The following ZFYVE28 variants were observed in gnomAD, a reference collection of about 807,000 sequenced individuals.
ZFYVE28 encodes the protein lateral signaling target protein 2 homolog.
In ZFYVE28, 40 loss-of-function variants were observed where a neutral mutation model predicts 82.1. That is an observed-to-expected ratio of 0.49 (90% confidence interval 0.38 to 0.63). The LOEUF is 0.63. Ranked by LOEUF, ZFYVE28 falls within the 30% of genes least tolerant of loss-of-function variation. ZFYVE28 has a pLI of 0.00. For synonymous variants in ZFYVE28, 612 were observed against 546.1 expected (o/e 1.12, Z -1.68); for missense variants, 1,321 against 1,242.1 (o/e 1.06, Z -0.96).
chr4:2,276,088 T>G (rs1418955412), intron 8 of ZFYVE28, among the ~76,000 whole-genome samples: 1 of 152,240 alleles, frequency 6.6e-6, no homozygotes, highest in Non-Finnish European at 1.5e-5. Flanking sequence ...ACGTAAACCC[T>G]GCAGAAGCAC....
intron 1 of ZFYVE28, chr4:2,364,633 A>G (rs1726619857): frequency 1.0e-6 from 1 of 985,456 alleles, no homozygotes; most frequent in African/African-American, 1.7e-5. Context: ...TCTGATTAGC[A>G]TCTGCAAAGT....
intron 2 of ZFYVE28, among the ~76,000 whole-genome samples, chr4:2,353,340 G>A (rs898973412): frequency 2.6e-4 from 40 of 152,188 alleles, no homozygotes; most frequent in Middle Eastern, 3.2e-3. Context: ...TCCCATGGCC[G>A]CAAGGATTCA....
chr4:2,320,130 T>TCCCCCA lies in ZFYVE28; in HGVS notation c.803+39_803+40insTGGGGG. ...TCAGCGCCCACCTGTGGCCCTCCTG[T>TCCCCCA]CCCCCTCCCCTCCCCCACCTCCTCT... On this transcript the variant is annotated intron_variant, in intron 7 of 12. Coordinates refer to ENST00000290974, the MANE Select transcript of ZFYVE28 (RefSeq NM_020972.3). This position sits in a 1 kb window ranked among gnomAD's most constrained non-coding sequence, Gnocchi z 5.1. 1 of 1,586,068 alleles carries TCCCCCA rather than the reference T, an allele frequency of 6.3e-7. No individual in the cohort carries two copies. The highest frequency in any genetic ancestry group is 8.6e-7 in the Non-Finnish European group (1 of 1,156,586).
intron 1 of ZFYVE28, among the ~76,000 whole-genome samples, chr4:2,405,276 A>G (rs1411238466): frequency 6.6e-6 from 1 of 152,152 alleles, no homozygotes; most frequent in African/African-American, 2.4e-5. Flanking sequence ...GTGCACCGCC[A>G]CCTGCTTTTC....
chr4:2,352,061 C>T (rs1004905490), intron 2 of ZFYVE28, among the ~76,000 whole-genome samples: 3 of 152,148 alleles, frequency 2.0e-5, no homozygotes, highest in Non-Finnish European at 4.4e-5. Context: ...CTTGCACAGC[C>T]CTCCATATAT....
intron 6 of ZFYVE28, among the ~76,000 whole-genome samples, chr4:2,333,464 C>G (rs1721055151): frequency 6.6e-6 from 1 of 151,840 alleles, no homozygotes; most frequent in Non-Finnish European, 1.5e-5. Context: ...TCTGCGGTCG[C>G]CTGTACTCGG....
rs920327784 is a variant in ZFYVE28, at chr4:2,362,171, T to C, written c.40-8098A>G. Among the ~76,000 whole-genome samples the C allele has an allele frequency of 8.6e-5, 13 of 152,014 alleles. No homozygotes were observed. The highest frequency in any genetic ancestry group is 3.1e-4 in the African/African-American group (13 of 41,370). The stretch of plus-strand genomic sequence containing the variant: ...TTTGCCTCCTAGATATCAGCAGATC[T>C]CCAGGAGACAGTGGTCACATGCAGA... On this transcript the variant is annotated intron_variant, in intron 1 of 12. Coordinates refer to ENST00000290974, the MANE Select transcript of ZFYVE28 (RefSeq NM_020972.3). This position sits in a 1 kb window ranked among gnomAD's most constrained non-coding sequence, Gnocchi z 5.1.
At position 2,408,092 on chromosome 4, in the gene ZFYVE28, T is replaced by C. The variant is rs552655744; in HGVS notation, c.39+10193A>G. Among the ~76,000 whole-genome samples, 2 of 152,306 alleles carry C rather than the reference T, an allele frequency of 1.3e-5. No individual in the cohort carries two copies. Among genetic ancestry groups the C allele is most frequent in the East Asian group, 3.9e-4 (2 of 5,168 alleles). ...GGTGACCCTGTGCTGAAGTGGCCTATGGGGCTTTCCTGGCCCCCTGGCCTC... is the reference window on the plus strand; with the variant it reads ...GGTGACCCTGTGCTGAAGTGGCCTACGGGGCTTTCCTGGCCCCCTGGCCTC... On this transcript the variant is annotated intron_variant, in intron 1 of 12. Coordinates refer to ENST00000290974, the MANE Select transcript of ZFYVE28 (RefSeq NM_020972.3). This position sits in a 1 kb window ranked among gnomAD's most constrained non-coding sequence, Gnocchi z 4.3.
chr4:2,289,644 G>C (rs1713298244), intron 8 of ZFYVE28, among the ~76,000 whole-genome samples: 1 of 152,182 alleles, frequency 6.6e-6, no homozygotes, highest in Non-Finnish European at 1.5e-5. Flanking sequence ...CCAAAGCAAT[G>C]GGATTACAGG....
At chr4:2,378,623 C>T (rs1274657900) in intron 1 of ZFYVE28, among the ~76,000 whole-genome samples, 1 of 152,174 alleles carries the variant, frequency 6.6e-6, no homozygotes, top group Non-Finnish European at 1.5e-5. Context: ...AGGGAAGCTG[C>T]CCGACTCCCG....
At position 2,323,397 on chromosome 4, in the gene ZFYVE28, T is replaced by C. The variant is rs138802975; in HGVS notation, c.702-3126A>G. ...TTTCCTCATTTTTAAATTGGGTTGT[T>C]TGTCGATTTGTTGTTGAGTTGTAAG... is the stretch of plus-strand genomic sequence containing the variant. On this transcript the variant is annotated intron_variant, in intron 6 of 12. Transcript: ENST00000290974. Among the ~76,000 whole-genome samples the C allele has an allele frequency of 6.1e-3, 925 of 152,306 alleles. 9 individuals are homozygous for C. Among genetic ancestry groups the C allele is most frequent in the African/African-American group, 0.021 (872 of 41,556 alleles).
At chr4:2,296,205 G>C (rs1458712650) in intron 8 of ZFYVE28, among the ~76,000 whole-genome samples, 5 of 152,204 alleles carry the variant, frequency 3.3e-5, no homozygotes, top group Non-Finnish European at 7.3e-5. Context: ...CCTCCTCCCA[G>C]GACTTTGCTG....
intron 8 of ZFYVE28, among the ~76,000 whole-genome samples, chr4:2,275,226 T>C (rs1027309766): frequency 1.3e-5 from 2 of 152,192 alleles, no homozygotes; most frequent in Non-Finnish European, 2.9e-5. Flanking sequence ...CGTCCTCAGC[T>C]TTCATCAGAT....
At chr4:2,412,928 G>A (rs772771682) in intron 1 of ZFYVE28, among the ~76,000 whole-genome samples, 1 of 152,116 alleles carries the variant, frequency 6.6e-6, no homozygotes, top group African/African-American at 2.4e-5. Context: ...TGCCCTGCCT[G>A]CTGAGTCCAA....
intron 1 of ZFYVE28, among the ~76,000 whole-genome samples, chr4:2,358,093 C>A (rs562587418): frequency 3.9e-5 from 6 of 152,268 alleles, no homozygotes; most frequent in Admixed American, 6.5e-5. Flanking sequence ...CATGTCCCCT[C>A]GGCTCACTCA....
In ZFYVE28 at chr4:2,320,129, G is replaced by T. The variant is rs767502411; in HGVS notation, c.803+41C>A. ...TTCAGCGCCCACCTGTGGCCCTCCT[G>T]TCCCCCTCCCCTCCCCCACCTCCTC... On this transcript the variant is annotated intron_variant, in intron 7 of 12. Coordinates refer to ENST00000290974, the MANE Select transcript of ZFYVE28 (RefSeq NM_020972.3). This position sits in a 1 kb window ranked among gnomAD's most constrained non-coding sequence, Gnocchi z 5.1. The T allele has an allele frequency of 6.3e-7, 1 of 1,584,454 alleles. No individual in the cohort carries two copies. The highest frequency in any genetic ancestry group is 1.1e-5 in the South Asian group (1 of 90,068).
intron 8 of ZFYVE28, among the ~76,000 whole-genome samples, chr4:2,303,687 C>T (rs1328801089): frequency 2.6e-5 from 4 of 152,188 alleles, no homozygotes; most frequent in African/African-American, 9.6e-5. Context: ...CCCCCCAGTG[C>T]AGGGCAAGGA....
At position 2,304,949 on chromosome 4, in the gene ZFYVE28, T is replaced by C. The variant is rs765741813; in HGVS notation, c.1391A>G (p.Glu464Gly). Reference protein sequence around the residue: ...KEEDLSNNNLEAEGTDGASLA... With the variant: ...KEEDLSNNNLGAEGTDGASLA... ...GCTGGCCCCATCTGTGCCCTCGGCC[T>C]CGAGATTGTTGTTGCTCAAGTCCTC... The change falls in exon 8 of 13, where the codon GAG (glutamate) becomes GGG (glycine). Residue 464 changes from glutamate (E) to glycine (G), a missense_variant. Transcript: ENST00000290974. 1.9e-6 allele frequency: 3 copies of C among 1,612,556 alleles called. No individual in the cohort carries two copies. The highest frequency in any genetic ancestry group is 1.7e-5 in the Admixed American group (1 of 60,002).
At position 2,270,566 on chromosome 4, in the gene ZFYVE28, A is replaced by C; in HGVS notation, c.*159T>G. ...GGCCCGGGGTCCCTGCAGGGAGGCT[A>C]GCGTGGGCAGGACAGAGGCTCTGGA... On this transcript the variant is annotated 3_prime_UTR_variant, in exon 13 of 13. Coordinates refer to ENST00000290974, the MANE Select transcript of ZFYVE28 (RefSeq NM_020972.3). 1 of 1,079,434 alleles carries C rather than the reference A, an allele frequency of 9.3e-7. No homozygotes were observed. Among genetic ancestry groups the C allele is most frequent in the Non-Finnish European group, 1.3e-6 (1 of 753,170 alleles). The allele number at this position is 1,079,434 out of a possible 1,614,324, so 66.9% of individuals were successfully genotyped here.
Sources: gnomAD v4.1 joint callset for allele counts (sites outside exome capture counted in the v4.1 genomes callset) on GRCh38, gnomAD v4.1.1 for gene constraint, Gnocchi (gnomAD v3.1) non-coding constraint, MANE v1.5 for transcripts, NCBI Gene and HGNC (gene_info 2026-07-23, HGNC 2026-07-21) for gene names.